Variants in AFP observed in about 807,000 individuals in gnomAD.
AFP encodes the protein alpha-fetoprotein.
Under a neutral mutation model 78.9 loss-of-function variants are expected in AFP, and 64 were observed. The observed-to-expected ratio is 0.81, with a 90% CI of 0.66 to 1.00. The LOEUF is 1.00. AFP is among the 50% of genes least tolerant of loss of function. The pLI is 0.00. For synonymous variants in AFP, 254 were observed against 243.8 expected (o/e 1.04, Z -0.39); for missense variants, 689 against 703.8 (o/e 0.98, Z 0.24).
chr4:73,451,461 C>T lies in AFP; in HGVS notation c.1428+708C>T, dbSNP rs1344620009. Among the ~76,000 whole-genome samples, 3 of 152,060 alleles carry T rather than the reference C, an allele frequency of 2.0e-5. No individual in the cohort carries two copies. In the East Asian group the frequency reaches 5.8e-4, roughly 29 times the overall value. ...TAATGGGGAGTTATTTGCTGTTAGT[C>T]TTCATGTCATACATTTTTTCCCCAA... is the stretch of plus-strand genomic sequence containing the variant. On this transcript the variant is annotated intron_variant, in intron 11 of 14. Transcript: ENST00000395792.
At chr4:73,436,494 A>G in intron 1 of AFP, 147 bp downstream of exon 1, 1 of 568,540 alleles carries the variant, frequency 1.8e-6, no homozygotes, top group Non-Finnish European at 3.1e-6. Flanking sequence ...ATTTAAATGA[A>G]AGATAAACTT....
intron 3 of AFP, 147 bp downstream of exon 3, chr4:73,438,453 T>TAAAG: frequency 1.1e-6 from 1 of 918,668 alleles, no homozygotes; most frequent in Non-Finnish European, 1.6e-6. Flanking sequence ...TCTGAATTGC[T>TAAAG]AAAGAGGGCA....
chr4:73,455,556 T>C (rs985634347), intron 14 of AFP, 75 bp from the exon 15 acceptor site: 2 of 660,366 alleles, frequency 3.0e-6, no homozygotes, highest in Non-Finnish European at 5.4e-6. Flanking sequence ...TTCTCTGATA[T>C]AAAATAATAG....
Position 73,436,297 on chromosome 4 carries a change from T to A in AFP, c.35T>A (p.Leu12Gln), listed in dbSNP as rs1560390568. ...KWVESIFLIF[L>Q]LNFTESRTLH... Reference sequence around the variant, plus strand: ...GTGGAATCAATTTTTTTAATTTTCCTACTAAATTTTACTGAATCCAGAACA... The same window carrying A: ...GTGGAATCAATTTTTTTAATTTTCCAACTAAATTTTACTGAATCCAGAACA... Residue 12 changes from leucine to glutamine, a missense_variant, in exon 1 of 15, where the codon CTA becomes CAA. By Grantham distance (113) the Leu-to-Gln change is moderately radical. Coordinates refer to ENST00000395792, the MANE Select transcript of AFP (RefSeq NM_001134.3). 6.2e-7 allele frequency: 1 copy of A among 1,604,302 alleles called. No individual in the cohort carries two copies. The highest frequency in any genetic ancestry group is 8.5e-7 in the Non-Finnish European group (1 of 1,172,644).
At chr4:73,443,482 T>C in intron 6 of AFP, 38 bp downstream of exon 6, 2 of 1,466,168 alleles carry the variant, frequency 1.4e-6, no homozygotes, top group Non-Finnish European at 1.9e-6. Flanking sequence ...GGGTGAGAGC[T>C]ACAGAACTAC....
rs116524662 is a variant in AFP, at chr4:73,448,009, T to C, written c.1058+333T>C. ...TCAAGGCCACCATTGAACTCTCAAA[T>C]AGGATATGGATATTTTTGTAATAAG... On this transcript the variant is annotated intron_variant, in intron 8 of 14. Transcript: ENST00000395792. Among the ~76,000 whole-genome samples the C allele has an allele frequency of 3.0e-3, 456 of 152,178 alleles. 2 individuals are homozygous for C. The highest frequency in any genetic ancestry group is 6.8e-3 in the Middle Eastern group (2 of 294).
At chr4:73,449,259 G>T in intron 8 of AFP, 76 bp from the exon 9 acceptor site, 1 of 1,327,066 alleles carries the variant, frequency 7.5e-7, no homozygotes. Flanking sequence ...TATTATATAG[G>T]AATAACTGGA....
intron 8 of AFP, among the ~76,000 whole-genome samples, chr4:73,447,877 C>T (rs185058377): frequency 1.5e-4 from 23 of 152,144 alleles, no homozygotes; most frequent in Non-Finnish European, 2.6e-4. Flanking sequence ...AACGGTGAAG[C>T]GTTCACCACT....
intron 13 of AFP, among the ~76,000 whole-genome samples, chr4:73,454,746 G>A (rs770337680): frequency 6.6e-5 from 10 of 152,136 alleles, no homozygotes; most frequent in Non-Finnish European, 1.0e-4. Context: ...ATTTGAGTGT[G>A]TGCACTTACC....
chr4:73,450,860 C>G (rs1719972582), intron 11 of AFP, 107 bp downstream of exon 11: 2 of 1,565,514 alleles, frequency 1.3e-6, no homozygotes, highest in Non-Finnish European at 1.8e-6. Flanking sequence ...GTAGAGATGG[C>G]CTTAGGAGGC....
In AFP at chr4:73,456,126, AGACATTTTAAAACAT is replaced by A. The variant is rs2149337890; in HGVS notation, c.*507_*521del. 6.5e-6 allele frequency: 1 copy of A among 153,630 alleles called. No individual in the cohort carries two copies. The highest frequency in any genetic ancestry group is 2.4e-5 in the African/African-American group (1 of 41,614). The allele number at this position is 153,630 out of a possible 1,614,324, so 9.5% of individuals were successfully genotyped here. ...CAATCTTGTTCAGTTCTCTATTCACAGACATTTTAAAACATAAGAATATTACAGTTTTGATTGAAT... is the reference window on the plus strand; with the variant it reads ...CAATCTTGTTCAGTTCTCTATTCACAAAGAATATTACAGTTTTGATTGAAT... On this transcript the variant is annotated 3_prime_UTR_variant, in exon 15 of 15. Coordinates refer to ENST00000395792, the MANE Select transcript of AFP (RefSeq NM_001134.3).
chr4:73,451,170 A>G (rs373905448), intron 11 of AFP, among the ~76,000 whole-genome samples: 15 of 152,328 alleles, frequency 9.8e-5, no homozygotes, highest in African/African-American at 3.4e-4. Context: ...TTTTAGCCAT[A>G]TTTATATTTT....
At chr4:73,453,038 C>T (rs954375482) in intron 12 of AFP, among the ~76,000 whole-genome samples, 4 of 152,234 alleles carry the variant, frequency 2.6e-5, no homozygotes, top group African/African-American at 9.6e-5. Context: ...TTATTTAATT[C>T]AACCATGCAG....
chr4:73,448,270 C>G (rs1719891203), intron 8 of AFP, among the ~76,000 whole-genome samples: 1 of 152,026 alleles, frequency 6.6e-6, no homozygotes, highest in African/African-American at 2.4e-5. Context: ...CTCTATTTGC[C>G]TTTAAGGGAA....
chr4:73,449,518 T>A, intron 9 of AFP, 51 bp downstream of exon 9: 1 of 1,604,248 alleles, frequency 6.2e-7, no homozygotes. Context: ...ATTGATATCA[T>A]CTGTTAAAAA....
At chr4:73,441,718 T>A (rs1023426244) in intron 4 of AFP, among the ~76,000 whole-genome samples, 1 of 152,180 alleles carries the variant, frequency 6.6e-6, no homozygotes. Context: ...AATTGAAGGT[T>A]GGAAGGCTAA....
At chr4:73,438,359 G>C in intron 3 of AFP, 53 bp downstream of exon 3, 1 of 1,559,398 alleles carries the variant, frequency 6.4e-7, no homozygotes, top group Non-Finnish European at 8.7e-7. Context: ...AATTTAGCAT[G>C]CTGAAGAGAA....
In AFP at chr4:73,447,547, G is replaced by T; in HGVS notation, c.929G>T (p.Arg310Leu). The change falls in exon 8 of 15, where the codon CGT (arginine) becomes CTT (leucine). Residue 310 changes from arginine to leucine, a missense_variant. Transcript: ENST00000395792. ...TECCKLTTLE[R>L]GQCIIHAEND... ...TGCTGCAAACTGACCACGCTGGAAC[G>T]TGGTCAATGTATAATTCATGCAGAA... The T allele has an allele frequency of 6.2e-7, 1 of 1,612,820 alleles. No individual in the cohort carries two copies. Among genetic ancestry groups the T allele is most frequent in the Non-Finnish European group, 8.5e-7 (1 of 1,179,594 alleles).
At position 73,449,362 on chromosome 4, in the gene AFP, T is replaced by C. The variant is rs1005493160; in HGVS notation, c.1086T>C (p.His362=). The C allele has an allele frequency of 1.2e-6, 2 of 1,613,276 alleles. No homozygotes were observed. The highest frequency in any genetic ancestry group is 1.1e-5 in the South Asian group (1 of 91,054). The change falls in exon 9 of 15, where the codon CAT becomes CAC. Residue 362 remains histidine, a synonymous_variant. Transcript: ENST00000395792. ...TTGTTCATGAATATTCAAGAAGACATCCTCAGCTTGCTGTCTCAGTAATTC... is the reference window on the plus strand; with the variant it reads ...TTGTTCATGAATATTCAAGAAGACACCCTCAGCTTGCTGTCTCAGTAATTC... ...ASFVHEYSRR[H]PQLAVSVILR...
Sources: gnomAD v4.1 joint callset for allele counts (sites outside exome capture counted in the v4.1 genomes callset) on GRCh38, gnomAD v4.1.1 for gene constraint, MANE v1.5 for transcripts, NCBI Gene and HGNC (gene_info 2026-07-23, HGNC 2026-07-21) for gene names.